CCDC102B: variants seen among roughly 807,000 people sequenced by gnomAD.
CCDC102B encodes the protein coiled-coil domain-containing protein 102B.
Under a neutral mutation model 57.4 loss-of-function variants are expected in CCDC102B, and 75 were observed. That is an observed-to-expected ratio of 1.31 (90% confidence interval 1.08 to 1.58). The LOEUF is 1.58. Among genes scored for constraint, CCDC102B ranks in the 40% most tolerant of loss-of-function variants. CCDC102B has a pLI of 0.00. For synonymous variants in CCDC102B, 206 were observed against 201.9 expected, an observed-to-expected ratio of 1.02 and a Z score of -0.17; for missense variants, 636 against 582.6, an observed-to-expected ratio of 1.09 and a Z score of -0.94.
chr18:69,052,513 A>G (rs2052733682), intron 7 of CCDC102B, among the ~76,000 whole-genome samples: 1 of 151,862 alleles, frequency 6.6e-6, no homozygotes, highest in Admixed American at 6.6e-5. Context: ...ACACACACAT[A>G]CATAGTGTGT....
intron 1 of CCDC102B, among the ~76,000 whole-genome samples, chr18:68,827,984 A>G (rs1235336628): frequency 1.3e-5 from 2 of 151,998 alleles, no homozygotes; most frequent in Admixed American, 1.3e-4. Context: ...ACACGGAGGG[A>G]AATTTCATAA....
chr18:68,720,402 C>A (rs540805826), intron 2 of CCDC102B, among the ~76,000 whole-genome samples: 196 of 152,246 alleles, frequency 1.3e-3, no homozygotes, highest in Non-Finnish European at 2.5e-3. Flanking sequence ...CCATTGGGTT[C>A]TAGGATTGAG....
At position 68,907,354 on chromosome 18, in the gene CCDC102B, G is replaced by T. The variant is rs532395889; in HGVS notation, c.1263+9926G>T. 7.8e-4 allele frequency among the ~76,000 whole-genome samples: 119 copies of T among 151,840 alleles called. 1 individual carries two copies. Among genetic ancestry groups the T allele is most frequent in the African/African-American group, 2.6e-3 (108 of 41,428 alleles). On this transcript the variant is annotated intron_variant, in intron 6 of 7. Transcript: ENST00000360242. ...TTGCAAATAAAAAAAAAACGCCATT[G>T]GAATTTTCAGGGACTTCACTGAATC...
chr18:68,971,975 T>C (rs2050312261), intron 6 of CCDC102B, among the ~76,000 whole-genome samples: 1 of 152,164 alleles, frequency 6.6e-6, no homozygotes, highest in African/African-American at 2.4e-5. Flanking sequence ...CTTTGACTCC[T>C]GTAAATACAC....
intron 6 of CCDC102B, among the ~76,000 whole-genome samples, chr18:68,967,043 A>G: frequency 6.6e-6 from 1 of 152,164 alleles, no homozygotes; most frequent in East Asian, 1.9e-4. Flanking sequence ...TTCAACATAC[A>G]TCCCAATCTT....
At chr18:68,856,231 C>G (rs2038379784) in intron 4 of CCDC102B, among the ~76,000 whole-genome samples, 1 of 152,026 alleles carries the variant, frequency 6.6e-6, no homozygotes, top group African/African-American at 2.4e-5. Context: ...TATGTTAATT[C>G]TTTTAAAACT....
intron 2 of CCDC102B, among the ~76,000 whole-genome samples, chr18:68,765,601 C>T (rs1231711942): frequency 6.6e-6 from 1 of 152,086 alleles, no homozygotes; most frequent in African/African-American, 2.4e-5. Flanking sequence ...CTTATAGCCC[C>T]TTTTGGAATC....
At chr18:68,929,225 G>T (rs1219268838) in intron 6 of CCDC102B, among the ~76,000 whole-genome samples, 1 of 151,830 alleles carries the variant, frequency 6.6e-6, no homozygotes, top group East Asian at 1.9e-4. Flanking sequence ...GAGGCCTTTT[G>T]TCTCTCCCAA....
At chr18:69,038,851 T>G (rs565429832) in intron 7 of CCDC102B, among the ~76,000 whole-genome samples, 2 of 152,128 alleles carry the variant, frequency 1.3e-5, no homozygotes, top group East Asian at 1.9e-4. Flanking sequence ...CAATGGAAAA[T>G]AGAGTCAATT....
chr18:68,914,741 C>T (rs1292687823), intron 6 of CCDC102B, among the ~76,000 whole-genome samples: 1 of 152,110 alleles, frequency 6.6e-6, no homozygotes, highest in African/African-American at 2.4e-5. Context: ...GTGTATAGCT[C>T]ACACTTATTT....
At chr18:68,715,245 T>A (rs570530481) in exon 1 of CCDC102B, 1 of 1,333,020 alleles carries the variant, frequency 7.5e-7, no homozygotes. Context: ...GGTGCCCCCC[T>A]CCACGCCCAG....
chr18:68,812,895 G>T (rs555286220), intron 1 of CCDC102B, among the ~76,000 whole-genome samples: 1 of 152,240 alleles, frequency 6.6e-6, no homozygotes, highest in Non-Finnish European at 1.5e-5. Flanking sequence ...GGATATCCAG[G>T]TATCCAGGCA....
chr18:69,039,617 A>G (rs2052381024), intron 7 of CCDC102B, among the ~76,000 whole-genome samples: 1 of 151,884 alleles, frequency 6.6e-6, no homozygotes, highest in Admixed American at 6.6e-5. Context: ...ACTTTCTTAT[A>G]TCCTCTTCAA....
intron 7 of CCDC102B, among the ~76,000 whole-genome samples, chr18:69,011,704 A>T (rs891192882): frequency 6.6e-6 from 1 of 151,896 alleles, no homozygotes; most frequent in Non-Finnish European, 1.5e-5. Flanking sequence ...AAAGAAACAC[A>T]GTCTTAAATG....
intron 6 of CCDC102B, among the ~76,000 whole-genome samples, chr18:69,007,764 G>A (rs1417151798): frequency 6.6e-6 from 1 of 152,214 alleles, no homozygotes; most frequent in Non-Finnish European, 1.5e-5. Context: ...TATTCTCTGA[G>A]CAAATGGCCA....
intron 2 of CCDC102B, among the ~76,000 whole-genome samples, chr18:68,759,268 A>T (rs1417238209): frequency 4.6e-5 from 7 of 152,092 alleles, no homozygotes; most frequent in African/African-American, 1.7e-4. Flanking sequence ...CAGCTAATTG[A>T]GATAAGATAA....
intron 2 of CCDC102B, among the ~76,000 whole-genome samples, chr18:68,757,876 A>G (rs570714976): frequency 2.0e-5 from 3 of 152,260 alleles, no homozygotes; most frequent in East Asian, 3.9e-4. Flanking sequence ...TGCCTGGCCA[A>G]TTGGAAGCTC....
At chr18:68,944,508 T>C (rs765516561) in intron 6 of CCDC102B, among the ~76,000 whole-genome samples, 13 of 151,372 alleles carry the variant, frequency 8.6e-5, no homozygotes, top group Middle Eastern at 3.2e-3. Context: ...CTTGAATCCT[T>C]GCATGTTAGA....
intron 1 of CCDC102B, among the ~76,000 whole-genome samples, chr18:68,822,866 T>A (rs927361034): frequency 1.9e-5 from 2 of 105,242 alleles, no homozygotes; most frequent in Non-Finnish European, 3.6e-5. Flanking sequence ...GAGAATAGGG[T>A]CTGGAGCCTA....
Sources: allele counts gnomAD v4.1 joint callset (sites outside exome capture counted in the v4.1 genomes callset), GRCh38; gene constraint gnomAD v4.1.1; transcripts MANE v1.5; gene names NCBI Gene and HGNC (gene_info 2026-07-23, HGNC 2026-07-21).